Variants in MUC5AC observed in about 807,000 individuals in gnomAD.
The protein encoded by MUC5AC is mucin-5AC.
In MUC5AC, 158 loss-of-function variants were observed where a neutral mutation model predicts 169.7. The ratio of observed to expected loss-of-function variants is 0.93; its 90% CI spans 0.82 to 1.06. The LOEUF is 1.06. Ranked by LOEUF, MUC5AC falls within the 50% of genes least tolerant of loss-of-function variation. The probability of loss-of-function intolerance (pLI) is 0.00; values close to 1 mark genes in which losing one functional copy is unlikely to be tolerated. For synonymous variants in MUC5AC, 1,975 were observed against 1,237.0 expected, an observed-to-expected ratio of 1.60 and a Z score of -12.52; for missense variants, 4,359 against 3,089.9, an observed-to-expected ratio of 1.41 and a Z score of -9.74.
At chr11:1,163,532 G>T (rs1023079476) in intron 6 of MUC5AC, among the ~76,000 whole-genome samples, 152,276 of 152,276 alleles carry the variant, frequency 1, 76,138 homozygotes, top group Non-Finnish European at 1. Context: ...CAGTGCTGGG[G>T]GGGCTGGGTT....
chr11:1,171,491 AC>A (rs1860533780), intron 15 of MUC5AC, among the ~76,000 whole-genome samples: 1 of 132,540 alleles, frequency 7.5e-6, no homozygotes, highest in South Asian at 2.5e-4. Flanking sequence ...TCACCCACTC[AC>A]TCACCCATTC....
chr11:1,161,681 C>A, intron 3 of MUC5AC, 95 bp downstream of exon 3: 1 of 1,392,620 alleles, frequency 7.2e-7, no homozygotes, highest in Non-Finnish European at 9.7e-7. Context: ...GGGGCCCCAG[C>A]TTTCCGGGTG....
At chr11:1,170,148 C>A (rs1860460574) in intron 15 of MUC5AC, among the ~76,000 whole-genome samples, 2 of 75,230 alleles carry the variant, frequency 2.7e-5, no homozygotes, top group African/African-American at 6.8e-5. Context: ...CCCACTCACC[C>A]ATTCACCCAT....
Position 1,164,589 on chromosome 11 carries a change from G to C in MUC5AC, c.1129+57G>C. ...TGCACCCCGACAACTAGGGGGCTGT[G>C]CTCCCATGGCCAAGCCTCGGAAGAA... On this transcript the variant is annotated intron_variant, in intron 9 of 48. Transcript: ENST00000621226. 4 of 1,544,488 alleles carry C rather than the reference G, an allele frequency of 2.6e-6. No individual in the cohort carries two copies. In the East Asian group the frequency reaches 9.1e-5, roughly 35 times the overall value.
At chr11:1,193,381 T>C in intron 32 of MUC5AC, 104 bp from the exon 33 acceptor site, 1 of 625,022 alleles carries the variant, frequency 1.6e-6, no homozygotes, top group South Asian at 1.8e-5. Flanking sequence ...ACAGCCACCC[T>C]CCCCTGTCCC....
At position 1,176,196 on chromosome 11, in the gene MUC5AC, C is replaced by G. The variant is rs1005488512; in HGVS notation, c.2447C>G (p.Pro816Arg). ...MVFFDCRNATPGDTGAGCQKS... is the reference protein window; with the variant it reads ...MVFFDCRNATRGDTGAGCQKS... ...TTCTTTGACTGCCGAAATGCCACGCCCGGGGACACAGGGGCTGGCTGTCAG... is the reference window on the plus strand; with the variant it reads ...TTCTTTGACTGCCGAAATGCCACGCGCGGGGACACAGGGGCTGGCTGTCAG... Residue 816 changes from proline to arginine, a missense_variant, in exon 20 of 49, where the codon CCC (proline) becomes CGC (arginine). Pro to Arg is a moderately radical substitution (Grantham distance 103, BLOSUM62 -2). Transcript: ENST00000621226. 3 of 398,562 alleles carry G rather than the reference C, an allele frequency of 7.5e-6. No individual in the cohort carries two copies. Among genetic ancestry groups the G allele is most frequent in the African/African-American group, 6.2e-5 (3 of 48,630 alleles). The allele number at this position is 398,562 out of a possible 1,614,324, so 24.7% of individuals were successfully genotyped here. A position where few individuals can be genotyped will look rare whatever the true frequency, so the allele number is the denominator to read the frequency against.
Position 1,169,012 on chromosome 11 carries a change from T to C in MUC5AC, c.1856T>C (p.Leu619Pro), listed in dbSNP as rs1200000874. The C allele has an allele frequency of 1.9e-6, 3 of 1,594,292 alleles. No individual in the cohort carries two copies. Among genetic ancestry groups the C allele is most frequent in the Non-Finnish European group, 1.7e-6 (2 of 1,169,718 alleles). ...IRNSFEDPCS[L>P]SVENEKYAQH... is the part of the protein sequence containing the mutation. ...AACAGCTTCGAGGACCCCTGCTCTC[T>C]GAGCGTGGAGAATGGTACGGGTGTC... Residue 619 changes from leucine to proline, a missense_variant, in exon 15 of 49, where the codon CTG (leucine) becomes CCG (proline). Physicochemically the swap from Leu to Pro is moderately conservative, Grantham distance 98 (BLOSUM62 -3). Transcript: ENST00000621226.
Position 1,189,693 on chromosome 11 carries a change from A to C in MUC5AC, c.11548A>C (p.Thr3850Pro). ...TSAPTTSTTS[T>P]PQTSISSAPT... ...TGCCCCTACAACCAGCACAACCTCC[A>C]CTCCACAGACCAGCATATCCTCTGC... The change falls in exon 31 of 49, where the codon ACT becomes CCT. Residue 3850 changes from threonine (T) to proline (P), a missense_variant. Physicochemically the swap from Thr to Pro is conservative, Grantham distance 38 (BLOSUM62 -1). Coordinates refer to ENST00000621226, the MANE Select transcript of MUC5AC (RefSeq NM_001304359.2). 6 of 612,512 alleles carry C rather than the reference A, an allele frequency of 9.8e-6. No individual in the cohort carries two copies. In the South Asian group the frequency reaches 1.1e-4, roughly 12 times the overall value. The allele number at this position is 612,512 out of a possible 1,614,324, so 37.9% of individuals were successfully genotyped here.
In MUC5AC at chr11:1,196,654, T is replaced by C; in HGVS notation, c.15763T>C (p.Phe5255Leu). 1 of 762,802 alleles carries C rather than the reference T, an allele frequency of 1.3e-6. No homozygotes were observed. The highest frequency in any genetic ancestry group is 2.4e-6 in the Non-Finnish European group (1 of 416,996). The allele number at this position is 762,802 out of a possible 1,614,324, so 47.3% of individuals were successfully genotyped here. A position where few individuals can be genotyped will look rare whatever the true frequency, so the allele number is the denominator to read the frequency against. Reference protein sequence around the residue: ...PEAGPITEGCFCPEGMTLFST... With the variant: ...PEAGPITEGCLCPEGMTLFST... The stretch of plus-strand genomic sequence containing the variant: ...GGCCGGCCCCATCACCGAAGGCTGC[T>C]TCTGTCCGGAGGGCATGACCCTCTT... Residue 5255 changes from phenylalanine to leucine, a missense_variant, in exon 39 of 49, where the codon TTC becomes CTC. Phe to Leu is a conservative substitution (Grantham distance 22, BLOSUM62 0). Coordinates refer to ENST00000621226, the MANE Select transcript of MUC5AC (RefSeq NM_001304359.2).
Position 1,191,947 on chromosome 11 carries a change from C to G in MUC5AC, c.13802C>G (p.Thr4601Arg), listed in dbSNP as rs370515722. The change falls in exon 31 of 49, where the codon ACA becomes AGA. Residue 4601 changes from threonine to arginine, a missense_variant. Thr to Arg is a moderately conservative substitution (Grantham distance 71, BLOSUM62 -1). Coordinates refer to ENST00000621226, the MANE Select transcript of MUC5AC (RefSeq NM_001304359.2). ...TTPSPVPTTS[T>R]TPVSKTSTSH... ...CCCAGCCCCGTTCCCACCACCAGCACAACCCCTGTTTCAAAGACCAGCACA... is the reference window on the plus strand; with the variant it reads ...CCCAGCCCCGTTCCCACCACCAGCAGAACCCCTGTTTCAAAGACCAGCACA... 5.2e-6 allele frequency: 4 copies of G among 765,174 alleles called. No homozygotes were observed. In the African/African-American group the frequency reaches 6.8e-5, roughly 13 times the overall value. 47.4% of individuals were successfully genotyped at this position (765,174 alleles called of 1,614,324 possible). A position where few individuals can be genotyped will look rare whatever the true frequency, so the allele number is the denominator to read the frequency against.
In MUC5AC at chr11:1,199,941, C is replaced by T. The variant is rs778471475; in HGVS notation, c.16672C>T (p.Arg5558Trp). Residue 5558 changes from arginine to tryptophan, a missense_variant, in exon 48 of 49, where the codon CGG becomes TGG. Coordinates refer to ENST00000621226, the MANE Select transcript of MUC5AC (RefSeq NM_001304359.2). The part of the protein sequence containing the change: ...SSEPVRLAYC[R>W]GNCGDSSSMY... Reference sequence around the variant, plus strand: ...GGAGCCCGTGCGCCTGGCTTACTGCCGGGGGAACTGTGGGGACAGCTCTTC... The same window carrying T: ...GGAGCCCGTGCGCCTGGCTTACTGCTGGGGGAACTGTGGGGACAGCTCTTC... 3.0e-5 allele frequency: 23 copies of T among 763,780 alleles called. No homozygotes were observed. The highest frequency in any genetic ancestry group is 4.3e-5 in the Non-Finnish European group (18 of 417,380). The allele number at this position is 763,780 out of a possible 1,614,324, so 47.3% of individuals were successfully genotyped here.
rs372049474 is a variant in MUC5AC at position 1,194,083 on chromosome 11, C to G, written c.14756-27C>G. 5.7e-4 allele frequency: 436 copies of G among 761,834 alleles called. 8 individuals carry two copies. The highest frequency in any genetic ancestry group is 4.9e-3 in the South Asian group (367 of 74,478). 47.2% of individuals were successfully genotyped at this position (761,834 alleles called of 1,614,324 possible). A position where few individuals can be genotyped will look rare whatever the true frequency, so the allele number is the denominator to read the frequency against. ...CCATGGTGCCACCACCCGAGCCACC[C>G]GTAAGGCTGCCCCTGGGGCCTGGCA... On this transcript the variant is annotated intron_variant, in intron 33 of 48. Transcript: ENST00000621226.
intron 24 of MUC5AC, among the ~76,000 whole-genome samples, 175 bp from the exon 25 acceptor site, chr11:1,178,269 T>C (rs1860733600): frequency 6.6e-6 from 1 of 152,036 alleles, no homozygotes; most frequent in African/African-American, 2.4e-5. Flanking sequence ...TCCCCAGGTG[T>C]AGCTGGAGGT....
Position 1,186,626 on chromosome 11 carries a change from C to A in MUC5AC, c.8481C>A (p.Ser2827Arg), listed in dbSNP as rs1169754276. Residue 2827 changes from serine (S) to arginine (R), a missense_variant, in exon 31 of 49, where the codon AGC (serine) becomes AGA (arginine). Coordinates refer to ENST00000621226, the MANE Select transcript of MUC5AC (RefSeq NM_001304359.2). ...QTSTTSAPTT[S>R]TTSGPGTTSS... ...GCACAACTTCGGCTCCTACAACCAG[C>A]ACAACTTCTGGTCCTGGAACTACTT... 2 of 728,022 alleles carry A rather than the reference C, an allele frequency of 2.7e-6. No homozygotes were observed. Among genetic ancestry groups the A allele is most frequent in the Non-Finnish European group, 5.0e-6 (2 of 399,096 alleles). The allele number at this position is 728,022 out of a possible 1,614,324, so 45.1% of individuals were successfully genotyped here. A position where few individuals can be genotyped will look rare whatever the true frequency, so the allele number is the denominator to read the frequency against.
chr11:1,162,608 G>A lies in MUC5AC; in HGVS notation c.550G>A (p.Gly184Ser). ...SSYTKVEARL[G>S]LVLMWNHDDS... is the part of the protein sequence containing the mutation. ...CTACACCAAGGTGGAGGCCAGGCTG[G>A]GCCTTGTCCTCATGTGGAACCACGA... is the stretch of plus-strand genomic sequence containing the variant. The change falls in exon 5 of 49, where the codon GGC becomes AGC. Residue 184 changes from glycine to serine, a missense_variant. Physicochemically the swap from Gly to Ser is moderately conservative, Grantham distance 56. Transcript: ENST00000621226. 6.2e-7 allele frequency: 1 copy of A among 1,612,744 alleles called. No homozygotes were observed. The highest frequency in any genetic ancestry group is 8.5e-7 in the Non-Finnish European group (1 of 1,179,866).
chr11:1,160,208 C>T (rs899666804), intron 1 of MUC5AC, among the ~76,000 whole-genome samples: 27 of 152,076 alleles, frequency 1.8e-4, no homozygotes, highest in African/African-American at 2.7e-4. Flanking sequence ...GTCTTGGGGC[C>T]GACCCCTCCC....
intron 1 of MUC5AC, among the ~76,000 whole-genome samples, chr11:1,160,075 TGTGCGGGGCTG>T: frequency 6.6e-6 from 1 of 151,972 alleles, no homozygotes; most frequent in East Asian, 1.9e-4. Flanking sequence ...TGTGCAGGGC[TGTGCGGGGCTG>T]GGCCGGGCTG....
intron 19 of MUC5AC, 67 bp from the exon 20 acceptor site, chr11:1,176,084 C>A (rs1223699438): frequency 2.6e-6 from 1 of 385,778 alleles, no homozygotes; most frequent in African/African-American, 2.3e-5. Context: ...ACACGTCCTC[C>A]CTGAACACAT....
chr11:1,199,619 C>A, intron 46 of MUC5AC, 76 bp from the exon 47 acceptor site: 1 of 696,740 alleles, frequency 1.4e-6, no homozygotes, highest in Non-Finnish European at 2.6e-6. Context: ...CTGAGCCTGG[C>A]CCCATGTCCC....
Sources: gnomAD v4.1 joint callset for allele counts (sites outside exome capture counted in the v4.1 genomes callset) on GRCh38, gnomAD v4.1.1 for gene constraint, MANE v1.5 for transcripts, NCBI Gene and HGNC (gene_info 2026-07-23, HGNC 2026-07-21) for gene names.